The following LRRN1 variants were observed in gnomAD, a reference collection of about 807,000 sequenced individuals.
LRRN1 encodes leucine rich repeat neuronal 1.
In LRRN1, 14 loss-of-function variants were observed where a neutral mutation model predicts 45.8. The observed-to-expected ratio is 0.31, with a 90% confidence interval of 0.20 to 0.48. The LOEUF (loss-of-function observed/expected upper bound fraction) is 0.48, where lower values mean the gene tolerates loss of function less well. Among genes scored for constraint, LRRN1 ranks in the 20% least tolerant of loss-of-function variants. The probability of loss-of-function intolerance (pLI) is 0.99; values close to 1 mark genes in which losing one functional copy is unlikely to be tolerated. For missense variants in LRRN1, 789 were observed against 874.2 expected (o/e 0.90, Z 1.23); for synonymous variants, 359 against 330.1 (o/e 1.09, Z -0.95).
At chr3:3,833,798 C>A (rs1434826885) in intron 1 of LRRN1, among the ~76,000 whole-genome samples, 2 of 152,134 alleles carry the variant, frequency 1.3e-5, no homozygotes, top group Non-Finnish European at 2.9e-5. Flanking sequence ...GTTGCCACTA[C>A]TGGGGATGGG....
chr3:3,848,563 T>G lies in LRRN1; in HGVS notation c.*1771T>G, dbSNP rs9836820. Among the ~76,000 whole-genome samples the G allele has an allele frequency of 2.6e-4, 40 of 152,220 alleles. No homozygotes were observed. The highest frequency in any genetic ancestry group is 9.6e-4 in the African/African-American group (40 of 41,532). On this transcript the variant is annotated 3_prime_UTR_variant, in exon 2 of 2. Transcript: ENST00000319331. Reference sequence around the variant, plus strand: ...GCAGTATCTTGCTTTTGTGAATCACTTTATTAAAAAAAATCACTTTCTTCC... The same window carrying G: ...GCAGTATCTTGCTTTTGTGAATCACGTTATTAAAAAAAATCACTTTCTTCC...
Position 3,803,224 on chromosome 3 carries a change from G to C in LRRN1, c.-279+3305G>C, listed in dbSNP as rs115683719. On this transcript the variant is annotated intron_variant, in intron 1 of 1. Coordinates refer to ENST00000319331, the MANE Select transcript of LRRN1 (RefSeq NM_020873.7). ...TATTCTAAAGCAGTGACACTCATGGGAATATACTAGGTACTAAAGAAAATC... is the reference window on the plus strand; with the variant it reads ...TATTCTAAAGCAGTGACACTCATGGCAATATACTAGGTACTAAAGAAAATC... Among the ~76,000 whole-genome samples, 1,065 of 152,256 alleles carry C rather than the reference G, an allele frequency of 7.0e-3. 12 individuals are homozygous for C. Among genetic ancestry groups the C allele is most frequent in the African/African-American group, 0.025 (1,036 of 41,552 alleles).
intron 1 of LRRN1, among the ~76,000 whole-genome samples, chr3:3,812,838 T>A (rs1450459494): frequency 2.0e-5 from 3 of 148,184 alleles, no homozygotes; most frequent in African/African-American, 7.7e-5. Context: ...AAAAAAGATG[T>A]AGCACCACAA....
rs1355555770 is a variant in LRRN1 at position 3,816,914 on chromosome 3, T to A, written c.-279+16995T>A. On this transcript the variant is annotated intron_variant, in intron 1 of 1. Transcript: ENST00000319331. This position sits in a 1 kb window ranked among gnomAD's most constrained non-coding sequence, Gnocchi z 4.0. Reference sequence around the variant, plus strand: ...GCGGGAATTGTGACATTACTTGAATTAGTCATGATTTGCCAGAGAAAGAGA... The same window carrying A: ...GCGGGAATTGTGACATTACTTGAATAAGTCATGATTTGCCAGAGAAAGAGA... Among the ~76,000 whole-genome samples the A allele has an allele frequency of 6.6e-6, 1 of 152,142 alleles. No homozygotes were observed. The highest frequency in any genetic ancestry group is 1.5e-5 in the Non-Finnish European group (1 of 68,022).
At chr3:3,842,920 A>G (rs756680554) in intron 1 of LRRN1, among the ~76,000 whole-genome samples, 18 of 150,878 alleles carry the variant, frequency 1.2e-4, no homozygotes, top group Non-Finnish European at 2.5e-4. Context: ...AGCAGTACAT[A>G]CCTGACTTCA....
chr3:3,834,533 TATATA>T (rs1559302644), intron 1 of LRRN1, among the ~76,000 whole-genome samples: 1 of 105,008 alleles, frequency 9.5e-6, no homozygotes, highest in East Asian at 4.1e-4. Context: ...AGGATATATA[TATATA>T]TATATATATA....
At chr3:3,804,244 T>G (rs1016929183) in intron 1 of LRRN1, 1 of 152,210 alleles carries the variant, frequency 6.6e-6, no homozygotes, top group African/African-American at 2.4e-5. Flanking sequence ...CATACCAACC[T>G]TCAATTTTGT....
intron 1 of LRRN1, among the ~76,000 whole-genome samples, chr3:3,802,979 T>G (rs1692685677): frequency 9.2e-6 from 1 of 108,140 alleles, no homozygotes. Context: ...TAAATAAAAC[T>G]GATAAAGTGT....
At chr3:3,810,033 G>C (rs539827306) in intron 1 of LRRN1, among the ~76,000 whole-genome samples, 3 of 152,284 alleles carry the variant, frequency 2.0e-5, no homozygotes, top group African/African-American at 7.2e-5. Context: ...TGGACCCCTA[G>C]AGTGCTTTAT....
At chr3:3,819,141 C>T (rs543461631) in intron 1 of LRRN1, among the ~76,000 whole-genome samples, 2 of 152,162 alleles carry the variant, frequency 1.3e-5, no homozygotes, top group Admixed American at 6.5e-5. Context: ...GCACACACCG[C>T]CATGCCTGGC....
At chr3:3,843,917 A>G (rs1003555662) in intron 1 of LRRN1, among the ~76,000 whole-genome samples, 2 of 152,232 alleles carry the variant, frequency 1.3e-5, no homozygotes, top group African/African-American at 4.8e-5. Flanking sequence ...TGCTTTCACT[A>G]GGAATGAACT....
rs773309234 is a variant in LRRN1, at chr3:3,846,578, C to T, written c.1937C>T (p.Ala646Val). The T allele has an allele frequency of 8.7e-6, 14 of 1,613,968 alleles. No homozygotes were observed. The East Asian group carries it at 8.9e-5, about 10-fold the overall frequency. Residue 646 changes from alanine (A) to valine (V), a missense_variant, in exon 2 of 2, where the codon GCG becomes GTG. Coordinates refer to ENST00000319331, the MANE Select transcript of LRRN1 (RefSeq NM_020873.7). This position sits in a 1 kb window ranked among gnomAD's most constrained non-coding sequence, Gnocchi z 5.7. ...MGSMFAVISLASIAVYFAKRF... is the reference protein window; with the variant it reads ...MGSMFAVISLVSIAVYFAKRF... ...TCTATGTTTGCCGTCATTAGCCTTG[C>T]GTCCATTGCTGTGTACTTTGCCAAA...
intron 1 of LRRN1, among the ~76,000 whole-genome samples, chr3:3,818,412 T>C (rs1693029230): frequency 6.6e-6 from 1 of 152,216 alleles, no homozygotes. Context: ...GTTGATGTTT[T>C]GTTCTGTGCT....
At chr3:3,810,109 A>C (rs1444118745) in intron 1 of LRRN1, among the ~76,000 whole-genome samples, 2 of 152,202 alleles carry the variant, frequency 1.3e-5, no homozygotes, top group Non-Finnish European at 2.9e-5. Context: ...AAACAGGTGA[A>C]TACATTAGAG....
chr3:3,820,636 A>T (rs1693081906), intron 1 of LRRN1, among the ~76,000 whole-genome samples: 1 of 152,210 alleles, frequency 6.6e-6, no homozygotes, highest in African/African-American at 2.4e-5. Context: ...AAATTACATG[A>T]ACTTTACGAG....
At position 3,849,300 on chromosome 3, in the gene LRRN1, T is replaced by A. The variant is rs1693842780; in HGVS notation, c.*2508T>A. 6.6e-6 allele frequency among the ~76,000 whole-genome samples: 1 copy of A among 152,196 alleles called. No homozygotes were observed. ...GAAATCTAAGATTTTTCATCAACAA[T>A]ATCTTCTGCCAGCCCAGTTTGGGGG... On this transcript the variant is annotated 3_prime_UTR_variant, in exon 2 of 2. Transcript: ENST00000319331.
At chr3:3,837,547 A>G (rs1365883239) in intron 1 of LRRN1, among the ~76,000 whole-genome samples, 1 of 152,032 alleles carries the variant, frequency 6.6e-6, no homozygotes, top group Non-Finnish European at 1.5e-5. Flanking sequence ...TAAATAGGAG[A>G]TACATAAGCC....
At chr3:3,831,062 C>T (rs1165745412) in intron 1 of LRRN1, among the ~76,000 whole-genome samples, 3 of 152,212 alleles carry the variant, frequency 2.0e-5, no homozygotes, top group African/African-American at 7.2e-5. Context: ...TCATATGGCC[C>T]AAGTGGCAGA....
At chr3:3,836,645 C>A (rs371287323) in intron 1 of LRRN1, among the ~76,000 whole-genome samples, 106 of 152,206 alleles carry the variant, frequency 7.0e-4, no homozygotes, top group African/African-American at 2.3e-3. Context: ...ACCCTTCCCT[C>A]CTATGCAGCT....
Sources: gnomAD v4.1 joint callset for allele counts (sites outside exome capture counted in the v4.1 genomes callset) on GRCh38, gnomAD v4.1.1 for gene constraint, Gnocchi (gnomAD v3.1) non-coding constraint, MANE v1.5 for transcripts, NCBI Gene and HGNC (gene_info 2026-07-23, HGNC 2026-07-21) for gene names.